Variants in PRKCA observed in about 807,000 individuals in gnomAD.
PRKCA encodes protein kinase C alpha type.
In PRKCA, 27 loss-of-function variants were observed where a neutral mutation model predicts 87.0. The observed-to-expected ratio is 0.31, with a 90% CI of 0.23 to 0.43. PRKCA has a LOEUF of 0.43. Ranked by LOEUF, PRKCA falls within the 20% of genes least tolerant of loss-of-function variation. The pLI is 1.00. For missense variants in PRKCA, 518 were observed against 852.3 expected (o/e 0.61, Z 4.88); for synonymous variants, 329 against 311.1 (o/e 1.06, Z -0.61).
chr17:66,503,783 A>G (rs1032656839), intron 3 of PRKCA, among the ~76,000 whole-genome samples: 24 of 152,218 alleles, frequency 1.6e-4, no homozygotes, highest in African/African-American at 5.3e-4. Context: ...ATTCATTTAT[A>G]ATAAAATTTA....
intron 1 of PRKCA, among the ~76,000 whole-genome samples, chr17:66,304,351 G>T (rs6504412): frequency 6.6e-6 from 1 of 152,184 alleles, no homozygotes. Flanking sequence ...AACTAAAGGA[G>T]CTCTAGGTCC....
intron 13 of PRKCA, among the ~76,000 whole-genome samples, chr17:66,757,405 A>G (rs764114278): frequency 3.3e-5 from 5 of 152,240 alleles, no homozygotes; most frequent in South Asian, 2.1e-4. Context: ...AGGAAGCTCA[A>G]ATGACACAAA....
In PRKCA at chr17:66,355,969, G is replaced by A. The variant is rs142683705; in HGVS notation, c.205+49842G>A. ...GCTGGAGTGCAATGGCATGATCTCC[G>A]CTCACTGCAACCTCCGCCTCCTGGG... On this transcript the variant is annotated intron_variant, in intron 2 of 16. Coordinates refer to ENST00000413366, the MANE Select transcript of PRKCA (RefSeq NM_002737.3). Among the ~76,000 whole-genome samples the A allele has an allele frequency of 3.1e-3, 475 of 152,180 alleles. 1 individual carries two copies. Among genetic ancestry groups the A allele is most frequent in the African/African-American group, 9.9e-3 (413 of 41,518 alleles).
At chr17:66,553,108 G>A (rs1598763023) in intron 3 of PRKCA, among the ~76,000 whole-genome samples, 2 of 151,708 alleles carry the variant, frequency 1.3e-5, no homozygotes. Flanking sequence ...CAGCCTCCCA[G>A]GTAGCTGGGA....
chr17:66,304,010 T>C (rs1013377883), intron 1 of PRKCA, among the ~76,000 whole-genome samples: 28 of 151,978 alleles, frequency 1.8e-4, no homozygotes, highest in African/African-American at 5.6e-4. Flanking sequence ...TCAAAAAAAA[T>C]GAAACAGACC....
intron 14 of PRKCA, chr17:66,775,565 T>C: frequency 1.0e-6 from 1 of 985,430 alleles, no homozygotes; most frequent in African/African-American, 1.7e-5. Flanking sequence ...CAGCTTTTTA[T>C]AATTCCCAGC....
intron 2 of PRKCA, among the ~76,000 whole-genome samples, chr17:66,459,362 C>T (rs1914734110): frequency 6.6e-6 from 1 of 152,126 alleles, no homozygotes; most frequent in Middle Eastern, 3.2e-3. Context: ...GCCTGGATGA[C>T]GGAACTACGA....
chr17:66,514,151 A>T (rs1407769644), intron 3 of PRKCA, among the ~76,000 whole-genome samples: 2 of 152,196 alleles, frequency 1.3e-5, no homozygotes, highest in Non-Finnish European at 2.9e-5. Context: ...ATTAATCTTT[A>T]ACATGGGTAT....
intron 4 of PRKCA, among the ~76,000 whole-genome samples, chr17:66,644,444 C>G (rs192356058): frequency 6.6e-6 from 1 of 152,090 alleles, no homozygotes; most frequent in African/African-American, 2.4e-5. Context: ...CAAGGGTGAT[C>G]GAGCTGGAAC....
At chr17:66,559,877 C>G (rs1318731644) in intron 3 of PRKCA, among the ~76,000 whole-genome samples, 4 of 152,144 alleles carry the variant, frequency 2.6e-5, no homozygotes, top group Non-Finnish European at 5.9e-5. Flanking sequence ...CTAATGAGTT[C>G]TGGCCGCTGG....
At chr17:66,716,115 G>C (rs962985021) in intron 8 of PRKCA, among the ~76,000 whole-genome samples, 1 of 151,744 alleles carries the variant, frequency 6.6e-6, no homozygotes, top group Admixed American at 6.5e-5. Flanking sequence ...GTCTATTCTT[G>C]CTTGCACTGG....
rs139317720 is a variant in PRKCA, at chr17:66,323,922, C to A, written c.205+17795C>A. On this transcript the variant is annotated intron_variant, in intron 2 of 16. Coordinates refer to ENST00000413366, the MANE Select transcript of PRKCA (RefSeq NM_002737.3). ...CACCACTGCACTCCAGCCTGGGCAA[C>A]ACAGCAAGATTCTGACTCAAAAAAA... 3.3e-5 allele frequency among the ~76,000 whole-genome samples: 5 copies of A among 152,064 alleles called. No individual in the cohort carries two copies. In the South Asian group the frequency reaches 8.3e-4, roughly 25 times the overall value.
At chr17:66,441,808 G>A (rs1402496355) in intron 2 of PRKCA, among the ~76,000 whole-genome samples, 2 of 152,088 alleles carry the variant, frequency 1.3e-5, no homozygotes, top group Non-Finnish European at 2.9e-5. Context: ...TAGACCTTCT[G>A]AAAGCTATGA....
intron 2 of PRKCA, among the ~76,000 whole-genome samples, chr17:66,407,848 A>T (rs983946969): frequency 6.6e-5 from 10 of 152,232 alleles, no homozygotes; most frequent in African/African-American, 2.4e-4. Context: ...ATTCTTGAAC[A>T]TTGCAAGCCC....
Position 66,735,621 on chromosome 17 carries a change from C to T in PRKCA, c.1189C>T (p.Pro397Ser). ...EKRVLALLDKPPFLTQLHSCF... is the reference protein window; with the variant it reads ...EKRVLALLDKSPFLTQLHSCF... ...GCGAGTCTTGGCCCTGCTTGACAAA[C>T]CCCCGTTCTTGACGCAGCTGCACTC... The change falls in exon 10 of 17, where the codon CCC (proline) becomes TCC (serine). Residue 397 changes from proline to serine, a missense_variant. By Grantham distance (74) the Pro-to-Ser change is moderately conservative. Coordinates refer to ENST00000413366, the MANE Select transcript of PRKCA (RefSeq NM_002737.3). 6.2e-7 allele frequency: 1 copy of T among 1,614,168 alleles called. No individual in the cohort carries two copies. The highest frequency in any genetic ancestry group is 8.5e-7 in the Non-Finnish European group (1 of 1,180,038).
At chr17:66,785,712 T>G (rs894731245) in intron 14 of PRKCA, among the ~76,000 whole-genome samples, 1 of 152,196 alleles carries the variant, frequency 6.6e-6, no homozygotes, top group Non-Finnish European at 1.5e-5. Flanking sequence ...CCAAGAGAGT[T>G]GCTCTGTCTT....
chr17:66,423,710 C>T (rs1912621970), intron 2 of PRKCA, among the ~76,000 whole-genome samples: 1 of 152,204 alleles, frequency 6.6e-6, no homozygotes, highest in African/African-American at 2.4e-5. Context: ...AGTTGAGAAA[C>T]ACAATCATAC....
intron 2 of PRKCA, among the ~76,000 whole-genome samples, chr17:66,483,602 A>G (rs556903304): frequency 6.6e-6 from 1 of 152,164 alleles, no homozygotes; most frequent in African/African-American, 2.4e-5. Context: ...AGCTGGGACT[A>G]CAGGTGCTCA....
chr17:66,314,933 ATGTGTG>A (rs991101457), intron 2 of PRKCA, among the ~76,000 whole-genome samples: 2 of 144,226 alleles, frequency 1.4e-5, no homozygotes, highest in African/African-American at 2.5e-5. Flanking sequence ...GTGTATATAT[ATGTGTG>A]TGTGTATGTG....
Sources: gnomAD v4.1 joint callset for allele counts (sites outside exome capture counted in the v4.1 genomes callset) on GRCh38, gnomAD v4.1.1 for gene constraint, MANE v1.5 for transcripts, NCBI Gene and HGNC (gene_info 2026-07-23, HGNC 2026-07-21) for gene names.